The following ITGA6 variants were observed in gnomAD, a reference collection of about 807,000 sequenced individuals.
The protein encoded by ITGA6 is integrin subunit alpha 6.
A neutral mutation model predicts 133.6 loss-of-function variants in ITGA6; 63 were observed. The observed-to-expected ratio is 0.47, with a 90% CI of 0.38 to 0.58. The LOEUF is 0.58. Among genes scored for constraint, ITGA6 ranks in the 20% least tolerant of loss-of-function variants. ITGA6 has a pLI of 0.00. For missense variants in ITGA6, 1,068 were observed against 1,309.4 expected, an observed-to-expected ratio of 0.82 and a Z score of 2.85; for synonymous variants, 434 against 482.0, an observed-to-expected ratio of 0.90 and a Z score of 1.30.
At chr2:172,443,400 T>C (rs891744086) in intron 1 of ITGA6, among the ~76,000 whole-genome samples, 25 of 152,212 alleles carry the variant, frequency 1.6e-4, no homozygotes, top group African/African-American at 5.8e-4. Context: ...GCTTCCCTCA[T>C]TTCACCTTAA....
rs368181957 is a variant in ITGA6 at position 172,501,776 on chromosome 2, G to C, written c.3119G>C (p.Gly1040Ala). Residue 1040 changes from glycine to alanine, a missense_variant, in exon 25 of 26, where the codon GGT (glycine) becomes GCT (alanine). By Grantham distance (60) the Gly-to-Ala change is moderately conservative. This residue lies in a region of ITGA6 where 609 missense variants were observed against 707.2 expected (regional missense o/e 0.86). Transcript: ENST00000684293. The stretch of plus-strand genomic sequence containing the variant: ...AAATACCTTGCTTCCTTGTAGTGTG[G>C]TTTCTTCAAGAGAAATAAGAAAGAT... ...ALLVFILWKC[G>A]FFKRNKKDHY... 6.2e-7 allele frequency: 1 copy of C among 1,612,174 alleles called. No homozygotes were observed. The highest frequency in any genetic ancestry group is 1.7e-5 in the Admixed American group (1 of 59,996).
intron 5 of ITGA6, among the ~76,000 whole-genome samples, chr2:172,472,055 C>T (rs1454196264): frequency 6.6e-6 from 1 of 152,244 alleles, no homozygotes; most frequent in Non-Finnish European, 1.5e-5. Flanking sequence ...GGCCTGGTGG[C>T]TCACGCCTAT....
At chr2:172,428,856 G>T (rs76862931) in intron 1 of ITGA6, among the ~76,000 whole-genome samples, 6,295 of 152,310 alleles carry the variant, frequency 0.041, 217 homozygotes, top group East Asian at 0.17. Flanking sequence ...ACAGTGTTTG[G>T]TTCCCACATG....
At chr2:172,462,918 C>T (rs1363799885) in intron 1 of ITGA6, among the ~76,000 whole-genome samples, 1 of 152,192 alleles carries the variant, frequency 6.6e-6, no homozygotes, top group Non-Finnish European at 1.5e-5. Context: ...TTCTCTGGCT[C>T]CTTCCCTTGC....
chr2:172,472,835 G>A (rs1218067642), intron 5 of ITGA6: 2 of 1,612,558 alleles, frequency 1.2e-6, no homozygotes, highest in African/African-American at 2.7e-5. Flanking sequence ...ATAAAACACG[G>A]CCTCCCCGGG....
Position 172,504,500 on chromosome 2 carries a change from T to G in ITGA6, c.*432T>G, listed in dbSNP as rs1336491234. 3 of 357,120 alleles carry G rather than the reference T, an allele frequency of 8.4e-6. No individual in the cohort carries two copies. The highest frequency in any genetic ancestry group is 1.6e-5 in the Non-Finnish European group (3 of 193,250). The allele number at this position is 357,120 out of a possible 1,614,324, so 22.1% of individuals were successfully genotyped here. A position where few individuals can be genotyped will look rare whatever the true frequency, so the allele number is the denominator to read the frequency against. ...CCGTAATTTAACTTTCTGGGTTGCC[T>G]TTATTTTTGGCGTGGCTGACTTACA... On this transcript the variant is annotated 3_prime_UTR_variant, in exon 26 of 26. Coordinates refer to ENST00000684293, the MANE Select transcript of ITGA6 (RefSeq NM_000210.4).
intron 1 of ITGA6, among the ~76,000 whole-genome samples, chr2:172,448,205 C>A (rs999620749): frequency 6.6e-6 from 1 of 151,960 alleles, no homozygotes; most frequent in Non-Finnish European, 1.5e-5. Flanking sequence ...TTAATTTTGC[C>A]TTTAGCACAG....
chr2:172,479,843 GGGCAAAGGGAAGA>G, intron 10 of ITGA6, 104 bp downstream of exon 10: 1 of 1,186,352 alleles, frequency 8.4e-7, no homozygotes, highest in East Asian at 2.3e-5. Flanking sequence ...CAGGAGTGCT[GGGCAAAGGGAAGA>G]GGGTCTGTCA....
At position 172,474,218 on chromosome 2, in the gene ITGA6, C is replaced by G; in HGVS notation, c.939C>G (p.Ala313=). 6.2e-7 allele frequency: 1 copy of G among 1,614,028 alleles called. No individual in the cohort carries two copies. Among genetic ancestry groups the G allele is most frequent in the Non-Finnish European group, 8.5e-7 (1 of 1,180,022 alleles). The change falls in exon 6 of 26, where the codon GCC becomes GCG. Residue 313 remains alanine (A), a synonymous_variant. Coordinates refer to ENST00000684293, the MANE Select transcript of ITGA6 (RefSeq NM_000210.4). ...PEHIFDGEGL[A]SSFGYDVAVV... is the part of the protein sequence containing the mutation. ...ACATATTCGATGGAGAAGGTCTGGC[C>G]TCTTCATTTGGCTATGATGTGGCGG...
At chr2:172,460,994 T>C (rs1257621475) in intron 1 of ITGA6, among the ~76,000 whole-genome samples, 3 of 152,212 alleles carry the variant, frequency 2.0e-5, no homozygotes, top group Non-Finnish European at 2.9e-5. Context: ...TTTAGAACTT[T>C]TGATTTGAAG....
intron 11 of ITGA6, among the ~76,000 whole-genome samples, chr2:172,480,426 G>A (rs1483948520): frequency 2.0e-5 from 3 of 152,258 alleles, no homozygotes; most frequent in East Asian, 3.9e-4. Flanking sequence ...GTGGTGGCTG[G>A]TGGTTGTGAA....
At chr2:172,501,692 GA>G (rs1441917271) in intron 24 of ITGA6, 79 bp from the exon 25 acceptor site, 17 of 1,436,406 alleles carry the variant, frequency 1.2e-5, no homozygotes, top group Non-Finnish European at 1.6e-5. Context: ...GTAGAAGGCA[GA>G]TTAAAATTTG....
chr2:172,468,513 C>G (rs558951507), intron 3 of ITGA6, among the ~76,000 whole-genome samples: 4 of 152,036 alleles, frequency 2.6e-5, no homozygotes, highest in Non-Finnish European at 4.4e-5. Context: ...CCATTCATAC[C>G]CTGTAGAAAT....
chr2:172,450,877 T>A (rs995529469), intron 1 of ITGA6, among the ~76,000 whole-genome samples: 1 of 140,498 alleles, frequency 7.1e-6, no homozygotes, highest in Non-Finnish European at 1.5e-5. Context: ...ACAAATATAT[T>A]TATATATTTA....
chr2:172,445,281 T>TA (rs1684710959), intron 1 of ITGA6, among the ~76,000 whole-genome samples: 1 of 151,336 alleles, frequency 6.6e-6, no homozygotes, highest in South Asian at 2.1e-4. Context: ...TTATACTTTG[T>TA]AAATTGCCTT....
At chr2:172,442,164 C>T (rs1412100381) in intron 1 of ITGA6, among the ~76,000 whole-genome samples, 4 of 152,150 alleles carry the variant, frequency 2.6e-5, no homozygotes, top group Non-Finnish European at 1.5e-5. Context: ...AATAAGGAGT[C>T]CTGGTTACCG....
chr2:172,484,775 T>G lies in ITGA6; in HGVS notation c.1550-7T>G. 1 of 1,613,120 alleles carries G rather than the reference T, an allele frequency of 6.2e-7. No homozygotes were observed. Among genetic ancestry groups the G allele is most frequent in the East Asian group, 2.2e-5 (1 of 44,884 alleles). ...ACTTACGTTAATATGATTTTAATTT[T>G]ATCTAGCAATTGTGGGCACACTTGA... On this transcript the variant is annotated splice_region_variant and splice_polypyrimidine_tract_variant and intron_variant, in intron 11 of 25. Transcript: ENST00000684293.
chr2:172,492,411 T>C lies in ITGA6; in HGVS notation c.2988+888T>C, dbSNP rs148576741. On this transcript the variant is annotated intron_variant, in intron 23 of 25. Transcript: ENST00000684293. The stretch of plus-strand genomic sequence containing the variant: ...TTGTAAAAATCTAAATGTATGCCTT[T>C]AAGTGTATCCTTACATTTTATGTGA... Among the ~76,000 whole-genome samples the C allele has an allele frequency of 3.0e-4, 45 of 152,372 alleles. 1 individual carries two copies. Among genetic ancestry groups the C allele is most frequent in the African/African-American group, 9.6e-4 (40 of 41,598 alleles).
chr2:172,437,286 A>C (rs1218569958), intron 1 of ITGA6, among the ~76,000 whole-genome samples: 1 of 152,246 alleles, frequency 6.6e-6, no homozygotes, highest in African/African-American at 2.4e-5. Flanking sequence ...AGATAGAAGT[A>C]ATGATACTGA....
Sources: gnomAD v4.1 joint callset for allele counts (sites outside exome capture counted in the v4.1 genomes callset) on GRCh38, gnomAD v4.1.1 for gene constraint, gnomAD v4.1.1 regional missense constraint, MANE v1.5 for transcripts, NCBI Gene and HGNC (gene_info 2026-07-23, HGNC 2026-07-21) for gene names.